Variants in TTC28 observed in about 807,000 individuals in gnomAD.
TTC28 encodes the protein tetratricopeptide repeat protein 28.
A neutral mutation model predicts 198.0 loss-of-function variants in TTC28; 61 were observed. The observed-to-expected ratio is 0.31, with a 90% CI of 0.25 to 0.38. The LOEUF (loss-of-function observed/expected upper bound fraction) is 0.38. Among genes scored for constraint, TTC28 ranks in the 10% least tolerant of loss-of-function variants. TTC28 has a pLI of 1.00. For synonymous variants in TTC28, 1,171 were observed against 1,297.8 expected, an observed-to-expected ratio of 0.90 and a Z score of 2.10; for missense variants, 2,678 against 3,164.0, an observed-to-expected ratio of 0.85 and a Z score of 3.69.
At chr22:28,350,417 A>T (rs1167699930) in intron 2 of TTC28, among the ~76,000 whole-genome samples, 1 of 152,140 alleles carries the variant, frequency 6.6e-6, no homozygotes, top group African/African-American at 2.4e-5. Flanking sequence ...GTTGTTTTTC[A>T]TGGTTTAATG....
Position 28,604,299 on chromosome 22 carries a change from A to T in TTC28, c.381+25253T>A, listed in dbSNP as rs1334711954. Reference sequence around the variant, plus strand: ...TCTTAAACAGAAAAAAAAAAAAATTATATATATATATATATATATATATGT... The same window carrying T: ...TCTTAAACAGAAAAAAAAAAAAATTTTATATATATATATATATATATATGT... On this transcript the variant is annotated intron_variant, in intron 2 of 22. Coordinates refer to ENST00000397906, the MANE Select transcript of TTC28 (RefSeq NM_001145418.2). Among the ~76,000 whole-genome samples the T allele has an allele frequency of 1.5e-4, 11 of 71,526 alleles. 1 individual carries two copies. The highest frequency in any genetic ancestry group is 3.4e-4 in the African/African-American group (8 of 23,616). The allele number at this position is 71,526 out of a possible 152,430, so 46.9% of individuals were successfully genotyped here.
At chr22:28,574,610 C>A (rs1458814644) in intron 2 of TTC28, among the ~76,000 whole-genome samples, 2 of 152,050 alleles carry the variant, frequency 1.3e-5, no homozygotes, top group African/African-American at 4.8e-5. Context: ...AACTGTTGTC[C>A]AAAGCAGTTT....
intron 5 of TTC28, among the ~76,000 whole-genome samples, chr22:28,239,380 A>G (rs1929493267): frequency 6.6e-6 from 1 of 152,154 alleles, no homozygotes; most frequent in Non-Finnish European, 1.5e-5. Flanking sequence ...ACTCTACCGT[A>G]CAAGAAGAAA....
intron 5 of TTC28, among the ~76,000 whole-genome samples, chr22:28,223,727 TA>T: frequency 6.6e-6 from 1 of 152,340 alleles, no homozygotes; most frequent in South Asian, 2.1e-4. Flanking sequence ...CCTACATGAA[TA>T]AACATTTTTC....
At chr22:28,244,375 C>T (rs1929921693) in intron 5 of TTC28, among the ~76,000 whole-genome samples, 1 of 152,190 alleles carries the variant, frequency 6.6e-6, no homozygotes, top group Non-Finnish European at 1.5e-5. Context: ...TTTACAGCTA[C>T]CCTTCGTCTC....
chr22:28,339,886 G>A (rs1373963358), intron 2 of TTC28, among the ~76,000 whole-genome samples: 1 of 152,066 alleles, frequency 6.6e-6, no homozygotes, highest in African/African-American at 2.4e-5. Flanking sequence ...TCAGTGGGCT[G>A]CACCCACTGT....
At chr22:28,335,620 C>T (rs1404535228) in intron 2 of TTC28, among the ~76,000 whole-genome samples, 8 of 152,098 alleles carry the variant, frequency 5.3e-5, no homozygotes, top group African/African-American at 1.7e-4. Context: ...GGAGTTCACT[C>T]ATGATTTGGC....
At chr22:28,236,216 C>T (rs1326244096) in intron 5 of TTC28, among the ~76,000 whole-genome samples, 1 of 152,182 alleles carries the variant, frequency 6.6e-6, no homozygotes, top group Non-Finnish European at 1.5e-5. Context: ...TCCACTTGCA[C>T]CAGCTTCAGG....
chr22:28,072,358 C>T (rs915186050), intron 12 of TTC28, among the ~76,000 whole-genome samples: 5 of 152,186 alleles, frequency 3.3e-5, no homozygotes, highest in African/African-American at 9.7e-5. Context: ...TAGGCATGGT[C>T]AGGAGCTTGA....
chr22:28,521,313 G>A (rs762570038), intron 2 of TTC28, among the ~76,000 whole-genome samples: 12 of 152,066 alleles, frequency 7.9e-5, no homozygotes, highest in East Asian at 5.8e-4. Flanking sequence ...AGGCCAAGGC[G>A]AGAGAATCAC....
At chr22:28,252,785 G>C (rs1269673413) in intron 5 of TTC28, among the ~76,000 whole-genome samples, 3 of 152,170 alleles carry the variant, frequency 2.0e-5, no homozygotes, top group African/African-American at 7.2e-5. Flanking sequence ...CCCCCAGTGA[G>C]AGTTATTAAT....
At chr22:28,408,511 C>T (rs1569309742) in intron 2 of TTC28, among the ~76,000 whole-genome samples, 1 of 152,142 alleles carries the variant, frequency 6.6e-6, no homozygotes, top group Non-Finnish European at 1.5e-5. Flanking sequence ...CTGCCTCAGC[C>T]TCCCGAGTAG....
intron 2 of TTC28, among the ~76,000 whole-genome samples, chr22:28,539,453 G>A (rs1464721200): frequency 1.3e-5 from 2 of 152,002 alleles, no homozygotes; most frequent in African/African-American, 4.8e-5. Flanking sequence ...TGAGCAACAT[G>A]GTGAAAACCC....
chr22:28,590,272 C>G (rs1435643068), intron 2 of TTC28, among the ~76,000 whole-genome samples: 1 of 151,460 alleles, frequency 6.6e-6, no homozygotes, highest in South Asian at 2.1e-4. Flanking sequence ...GGACTACAGG[C>G]GCCCACCACC....
chr22:28,462,426 T>C (rs1271822044), intron 2 of TTC28, among the ~76,000 whole-genome samples: 1 of 152,238 alleles, frequency 6.6e-6, no homozygotes, highest in Non-Finnish European at 1.5e-5. Flanking sequence ...AGGCCTACAA[T>C]TGACCTACAG....
intron 6 of TTC28, among the ~76,000 whole-genome samples, chr22:28,154,271 A>G (rs1261475315): frequency 6.6e-6 from 1 of 152,176 alleles, no homozygotes; most frequent in Non-Finnish European, 1.5e-5. Flanking sequence ...AGGCTATAGA[A>G]TCATTGTTAT....
At chr22:28,329,056 T>C (rs1028486977) in intron 2 of TTC28, among the ~76,000 whole-genome samples, 1 of 152,022 alleles carries the variant, frequency 6.6e-6, no homozygotes, top group Admixed American at 6.6e-5. Flanking sequence ...AAGAATTCAA[T>C]CTCAGGGTAG....
At chr22:28,399,703 T>C (rs528108443) in intron 2 of TTC28, among the ~76,000 whole-genome samples, 3 of 152,156 alleles carry the variant, frequency 2.0e-5, no homozygotes, top group Non-Finnish European at 1.5e-5. Context: ...AGTTCAAAGA[T>C]AATAAGTTTT....
intron 12 of TTC28, among the ~76,000 whole-genome samples, chr22:28,085,789 T>A (rs1334476001): frequency 1.3e-5 from 2 of 151,934 alleles, no homozygotes; most frequent in African/African-American, 4.8e-5. Context: ...GAGACACACA[T>A]AGGCTCAAAA....
Sources: allele counts gnomAD v4.1 joint callset (sites outside exome capture counted in the v4.1 genomes callset), GRCh38; gene constraint gnomAD v4.1.1; transcripts MANE v1.5; gene names NCBI Gene and HGNC (gene_info 2026-07-23, HGNC 2026-07-21).